Variants in SPOCK3 observed in about 807,000 individuals in gnomAD.
SPOCK3 encodes the protein testican-3.
In SPOCK3, 30 loss-of-function variants were observed where a neutral mutation model predicts 56.6. The observed-to-expected ratio is 0.53, with a 90% CI of 0.40 to 0.72. The LOEUF (loss-of-function observed/expected upper bound fraction) is 0.72, where lower values mean the gene tolerates loss of function less well. SPOCK3 is among the 30% of genes least tolerant of loss of function. The pLI, the probability that SPOCK3 is intolerant of heterozygous loss-of-function variation, is 0.00. For synonymous variants in SPOCK3, 196 were observed against 183.3 expected, an observed-to-expected ratio of 1.07 and a Z score of -0.56; for missense variants, 527 against 530.0, an observed-to-expected ratio of 0.99 and a Z score of 0.06.
chr4:167,167,093 T>A (rs1189519220), intron 2 of SPOCK3, among the ~76,000 whole-genome samples: 1 of 152,120 alleles, frequency 6.6e-6, no homozygotes, highest in Non-Finnish European at 1.5e-5. Context: ...TATGTAACTT[T>A]CCTGTCTTTC....
At chr4:166,810,235 T>C (rs1329749637) in intron 6 of SPOCK3, among the ~76,000 whole-genome samples, 2 of 152,098 alleles carry the variant, frequency 1.3e-5, no homozygotes, top group Non-Finnish European at 1.5e-5. Context: ...AGTCTTCAAC[T>C]AGAGGAAACT....
chr4:166,785,195 G>A (rs1418629715), intron 7 of SPOCK3, among the ~76,000 whole-genome samples: 1 of 151,932 alleles, frequency 6.6e-6, no homozygotes, highest in East Asian at 1.9e-4. Context: ...TACCATCTTA[G>A]TTACTTTTCT....
chr4:166,904,241 G>A (rs1283654314), intron 5 of SPOCK3, among the ~76,000 whole-genome samples: 1 of 151,866 alleles, frequency 6.6e-6, no homozygotes, highest in Non-Finnish European at 1.5e-5. Context: ...ATTAGTGTAT[G>A]TTAGTGTATG....
At chr4:166,991,880 C>T (rs761918872) in intron 4 of SPOCK3, among the ~76,000 whole-genome samples, 5 of 151,942 alleles carry the variant, frequency 3.3e-5, no homozygotes, top group Non-Finnish European at 5.9e-5. Flanking sequence ...CCAACAACTA[C>T]GAATTTATGG....
intron 6 of SPOCK3, among the ~76,000 whole-genome samples, chr4:166,818,676 GA>G (rs1343018892): frequency 6.6e-6 from 1 of 151,890 alleles, no homozygotes; most frequent in Non-Finnish European, 1.5e-5. Context: ...AGCTGTTGTT[GA>G]AAATTGCACC....
intron 7 of SPOCK3, among the ~76,000 whole-genome samples, chr4:166,780,894 A>C (rs1327203571): frequency 3.3e-5 from 5 of 152,170 alleles, no homozygotes; most frequent in Non-Finnish European, 5.9e-5. Context: ...CAAAGGAAAA[A>C]TCAAGAAACA....
intron 6 of SPOCK3, among the ~76,000 whole-genome samples, chr4:166,821,873 G>A (rs767193713): frequency 1.3e-4 from 20 of 151,954 alleles, no homozygotes; most frequent in Non-Finnish European, 1.8e-4. Context: ...TATGTGAAAC[G>A]AGTGAACTTT....
chr4:167,137,879 T>C (rs1580407021), intron 2 of SPOCK3, among the ~76,000 whole-genome samples: 1 of 152,018 alleles, frequency 6.6e-6, no homozygotes, highest in South Asian at 2.1e-4. Flanking sequence ...TATTCAACTG[T>C]TCTAACATGA....
At chr4:166,941,862 C>T (rs748407576) in intron 4 of SPOCK3, among the ~76,000 whole-genome samples, 4 of 152,248 alleles carry the variant, frequency 2.6e-5, no homozygotes, top group Admixed American at 1.3e-4. Context: ...CATTCAGCCC[C>T]AGGCAGTCTT....
At chr4:167,205,327 ATATATATTATATATTATATATAT>A (rs1561321340) in intron 2 of SPOCK3, among the ~76,000 whole-genome samples, 35 of 48,070 alleles carry the variant, frequency 7.3e-4, no homozygotes, top group African/African-American at 2.4e-3. Context: ...TATATATATA[ATATATATTATATATTATATATAT>A]AATATATATA....
intron 2 of SPOCK3, among the ~76,000 whole-genome samples, chr4:167,206,387 C>T (rs1734335810): frequency 6.6e-6 from 1 of 150,696 alleles, no homozygotes; most frequent in South Asian, 2.1e-4. Flanking sequence ...CCCTTAAATC[C>T]TGAAGAGAAA....
chr4:167,151,655 TC>T, intron 2 of SPOCK3, among the ~76,000 whole-genome samples: 1 of 152,038 alleles, frequency 6.6e-6, no homozygotes, highest in African/African-American at 2.4e-5. Flanking sequence ...CAGGATGGTC[TC>T]GATCTCCTGA....
chr4:167,211,579 A>T (rs1292342619), intron 2 of SPOCK3, among the ~76,000 whole-genome samples: 1 of 152,124 alleles, frequency 6.6e-6, no homozygotes. Context: ...GTGATAGTGT[A>T]TAAGTTTCAT....
At chr4:166,868,683 T>C (rs1293455116) in intron 6 of SPOCK3, among the ~76,000 whole-genome samples, 5 of 152,052 alleles carry the variant, frequency 3.3e-5, no homozygotes, top group Non-Finnish European at 5.9e-5. Context: ...TATTTAAACA[T>C]AAGAAGAAAA....
At chr4:166,736,408 G>A (rs927684515) in intron 10 of SPOCK3, among the ~76,000 whole-genome samples, 9 of 152,068 alleles carry the variant, frequency 5.9e-5, no homozygotes, top group African/African-American at 2.2e-4. Context: ...TAAAATTTAT[G>A]TAAGGCAGCT....
At chr4:166,770,420 A>T (rs1579177312) in intron 7 of SPOCK3, among the ~76,000 whole-genome samples, 1 of 152,138 alleles carries the variant, frequency 6.6e-6, no homozygotes, top group Non-Finnish European at 1.5e-5. Flanking sequence ...AGGTCAGGTG[A>T]TTCATAACTT....
At chr4:166,949,950 A>C (rs1742316122) in intron 4 of SPOCK3, among the ~76,000 whole-genome samples, 1 of 151,260 alleles carries the variant, frequency 6.6e-6, no homozygotes, top group African/African-American at 2.5e-5. Context: ...AAACATGCAA[A>C]GGAACAATCG....
At chr4:167,078,326 G>A (rs1757390894) in intron 2 of SPOCK3, among the ~76,000 whole-genome samples, 2 of 132,034 alleles carry the variant, frequency 1.5e-5, no homozygotes, top group Non-Finnish European at 1.5e-5. Context: ...GTGTGTGTGT[G>A]TGTGTGTGTG....
At chr4:167,123,002 T>C (rs1761984917) in intron 2 of SPOCK3, among the ~76,000 whole-genome samples, 1 of 151,812 alleles carries the variant, frequency 6.6e-6, no homozygotes, top group South Asian at 2.1e-4. Flanking sequence ...CTAAAGAGAT[T>C]ATTTAAAAAA....
Sources: allele counts gnomAD v4.1 joint callset (sites outside exome capture counted in the v4.1 genomes callset), GRCh38; gene constraint gnomAD v4.1.1; transcripts MANE v1.5; gene names NCBI Gene and HGNC (gene_info 2026-07-23, HGNC 2026-07-21).